The following PTPRG variants were observed in gnomAD, a reference collection of about 807,000 sequenced individuals.
PTPRG encodes the protein receptor-type tyrosine-protein phosphatase gamma.
A neutral mutation model predicts 165.3 loss-of-function variants in PTPRG; 102 were observed. The observed-to-expected ratio is 0.62, with a 90% CI of 0.53 to 0.73. The LOEUF is 0.73. Ranked by LOEUF, PTPRG falls within the 30% of genes least tolerant of loss-of-function variation. PTPRG has a pLI of 0.00. For synonymous variants in PTPRG, 675 were observed against 669.5 expected, an observed-to-expected ratio of 1.01 and a Z score of -0.13; for missense variants, 1,866 against 1,861.4, an observed-to-expected ratio of 1.00 and a Z score of -0.05.
chr3:61,897,227 A>G (rs1203993434), intron 2 of PTPRG, among the ~76,000 whole-genome samples: 1 of 152,078 alleles, frequency 6.6e-6, no homozygotes, highest in Non-Finnish European at 1.5e-5. Context: ...TAGTTTTACA[A>G]TTGAAATTTA....
At chr3:61,796,248 C>G (rs55831348) in intron 2 of PTPRG, among the ~76,000 whole-genome samples, 6 of 152,150 alleles carry the variant, frequency 3.9e-5, no homozygotes, top group South Asian at 4.1e-4. Context: ...TTAGTCCACA[C>G]GCAGATAACT....
At chr3:62,037,650 G>A (rs1699989672) in intron 4 of PTPRG, among the ~76,000 whole-genome samples, 1 of 152,152 alleles carries the variant, frequency 6.6e-6, no homozygotes, top group South Asian at 2.1e-4. Flanking sequence ...TTTGGCTGTG[G>A]CTGAGTGTAT....
chr3:61,882,840 A>C (rs1396702493), intron 2 of PTPRG, among the ~76,000 whole-genome samples: 1 of 152,028 alleles, frequency 6.6e-6, no homozygotes, highest in Admixed American at 6.5e-5. Context: ...TGGGTGCCCC[A>C]TTCTCCTCTG....
chr3:61,820,420 A>T (rs1008231524), intron 2 of PTPRG, among the ~76,000 whole-genome samples: 5 of 152,086 alleles, frequency 3.3e-5, no homozygotes, highest in African/African-American at 1.2e-4. Flanking sequence ...AGTGGTGCCC[A>T]CCCATTGAGG....
At chr3:61,688,537 G>C (rs1452115615) in intron 1 of PTPRG, among the ~76,000 whole-genome samples, 1 of 152,204 alleles carries the variant, frequency 6.6e-6, no homozygotes, top group African/African-American at 2.4e-5. Context: ...AAGGCTCTTC[G>C]CATTTTCCTC....
chr3:61,945,731 T>C (rs1205655167), intron 2 of PTPRG, among the ~76,000 whole-genome samples: 1 of 152,202 alleles, frequency 6.6e-6, no homozygotes, highest in Non-Finnish European at 1.5e-5. Flanking sequence ...GTAATTTTGC[T>C]AAATTAATAA....
intron 1 of PTPRG, among the ~76,000 whole-genome samples, chr3:61,602,120 C>T (rs749541501): frequency 7.2e-5 from 11 of 151,872 alleles, no homozygotes; most frequent in Non-Finnish European, 8.8e-5. Context: ...TTAATGGAAG[C>T]CTTCTTGGGC....
chr3:61,779,225 C>T (rs1277803731), intron 2 of PTPRG, among the ~76,000 whole-genome samples: 1 of 152,182 alleles, frequency 6.6e-6, no homozygotes, highest in Non-Finnish European at 1.5e-5. Flanking sequence ...GTTGTACATT[C>T]TCCTGAGAGT....
At chr3:62,141,245 T>C (rs900033935) in intron 6 of PTPRG, among the ~76,000 whole-genome samples, 4 of 152,118 alleles carry the variant, frequency 2.6e-5, no homozygotes, top group African/African-American at 9.7e-5. Context: ...TGGCAGTATC[T>C]AGTAAAATGA....
intron 4 of PTPRG, among the ~76,000 whole-genome samples, chr3:62,031,935 G>T (rs1699782696): frequency 6.6e-6 from 1 of 152,190 alleles, no homozygotes; most frequent in South Asian, 2.1e-4. Context: ...GATATATCCA[G>T]TTGGAAATGT....
At chr3:62,171,493 G>T (rs903241849) in intron 8 of PTPRG, among the ~76,000 whole-genome samples, 3 of 152,088 alleles carry the variant, frequency 2.0e-5, no homozygotes, top group Non-Finnish European at 2.9e-5. Flanking sequence ...TTATACTTGC[G>T]CAGCCATCAC....
chr3:62,221,559 C>T (rs968182699), intron 13 of PTPRG, among the ~76,000 whole-genome samples: 4 of 152,152 alleles, frequency 2.6e-5, no homozygotes, highest in African/African-American at 9.7e-5. Flanking sequence ...CATGCGTTTC[C>T]CTTTGGCAAT....
At chr3:61,665,643 G>T (rs1314451096) in intron 1 of PTPRG, among the ~76,000 whole-genome samples, 1 of 151,822 alleles carries the variant, frequency 6.6e-6, no homozygotes, top group East Asian at 1.9e-4. Context: ...AGGCAACCTA[G>T]TGAGACCTTA....
chr3:61,676,465 A>AAAAAAG (rs1703227290), intron 1 of PTPRG, among the ~76,000 whole-genome samples: 1 of 145,282 alleles, frequency 6.9e-6, no homozygotes, highest in South Asian at 2.2e-4. Flanking sequence ...TCAAAAAAAA[A>AAAAAAG]AAAAAAAAAG....
In PTPRG at chr3:62,077,726, G is replaced by A. The variant is rs374614332; in HGVS notation, c.520-437G>A. Among the ~76,000 whole-genome samples, 52 of 152,234 alleles carry A rather than the reference G, an allele frequency of 3.4e-4. 1 individual carries two copies. Among genetic ancestry groups the A allele is most frequent in the East Asian group, 3.3e-3 (17 of 5,170 alleles). On this transcript the variant is annotated intron_variant, in intron 4 of 29. Transcript: ENST00000474889. ...TTCTAAAATACGTTAGCAAAGGGCC[G>A]GGTGTGGTGGCTCATGCCTGTAATC...
At position 62,273,771 on chromosome 3, in the gene PTPRG, A is replaced by G. The variant is rs1372879255; in HGVS notation, c.3392A>G (p.Gln1131Arg). 6.2e-6 allele frequency: 10 copies of G among 1,613,718 alleles called. No individual in the cohort carries two copies. The highest frequency in any genetic ancestry group is 7.6e-6 in the Non-Finnish European group (9 of 1,179,752). The change falls in exon 23 of 30, where the codon CAG (glutamine) becomes CGG (arginine). Residue 1131 changes from glutamine (Q) to arginine (R), a missense_variant. Gln to Arg is a conservative substitution (Grantham distance 43). Coordinates refer to ENST00000474889, the MANE Select transcript of PTPRG (RefSeq NM_002841.4). The surrounding 1 kb of genome is among the most constrained non-coding windows in gnomAD (Gnocchi z 4.1). ...AAGGAGACTGAAGTATCTTCAAATCAGCTGCACAGCTATGTTAACAGCATC... is the reference window on the plus strand; with the variant it reads ...AAGGAGACTGAAGTATCTTCAAATCGGCTGCACAGCTATGTTAACAGCATC... ...LGKETEVSSN[Q>R]LHSYVNSILI...
At chr3:62,027,473 A>AT (rs2107774534) in intron 4 of PTPRG, among the ~76,000 whole-genome samples, 1 of 152,310 alleles carries the variant, frequency 6.6e-6, no homozygotes, top group African/African-American at 2.4e-5. Context: ...AGCTCCTCAC[A>AT]TACCCCATTC....
intron 1 of PTPRG, among the ~76,000 whole-genome samples, chr3:61,712,083 G>A (rs1219342416): frequency 1.3e-5 from 2 of 151,888 alleles, no homozygotes; most frequent in Non-Finnish European, 2.9e-5. Flanking sequence ...TAGTAGAGAC[G>A]GGGTTTCGCC....
chr3:61,868,247 G>T (rs1199890716), intron 2 of PTPRG, among the ~76,000 whole-genome samples: 2 of 152,136 alleles, frequency 1.3e-5, no homozygotes, highest in African/African-American at 4.8e-5. Context: ...TTATATCACG[G>T]AAGAAAAGCT....
Sources: gnomAD v4.1 joint callset for allele counts (sites outside exome capture counted in the v4.1 genomes callset) on GRCh38, gnomAD v4.1.1 for gene constraint, Gnocchi (gnomAD v3.1) non-coding constraint, MANE v1.5 for transcripts, NCBI Gene and HGNC (gene_info 2026-07-23, HGNC 2026-07-21) for gene names.